CNTN5: variants seen among roughly 807,000 people sequenced by gnomAD.
CNTN5 encodes the protein contactin 5.
CNTN5 carries 77 observed loss-of-function variants against 129.1 expected under a neutral mutation model. The ratio of observed to expected loss-of-function variants is 0.60; its 90% CI spans 0.50 to 0.72. The LOEUF (loss-of-function observed/expected upper bound fraction) is 0.72, where lower values mean the gene tolerates loss of function less well. CNTN5 is among the 30% of genes least tolerant of loss of function. CNTN5 has a pLI of 0.00. For missense variants in CNTN5, 1,478 were observed against 1,328.8 expected (o/e 1.11, Z -1.75); for synonymous variants, 509 against 465.6 (o/e 1.09, Z -1.20).
intron 7 of CNTN5, among the ~76,000 whole-genome samples, chr11:99,937,202 G>T (rs1292324183): frequency 6.6e-6 from 1 of 152,148 alleles, no homozygotes; most frequent in East Asian, 1.9e-4. Context: ...TATAGTAAGC[G>T]GTGTAACTGT....
At position 99,728,203 on chromosome 11, in the gene CNTN5, T is replaced by TGA. The variant is rs113566105; in HGVS notation, c.56-91329_56-91328dup. Among the ~76,000 whole-genome samples the TGA allele has an allele frequency of 5.3e-5, 8 of 151,398 alleles. No homozygotes were observed. The East Asian group carries it at 1.4e-3, about 26-fold the overall frequency. ...AAATATAGAGGAGTCTGATCATACA[T>TGA]GAGAGAGAGAGAGGGAAAGACAGAG... is the stretch of plus-strand genomic sequence containing the variant. On this transcript the variant is annotated intron_variant, in intron 3 of 24. Coordinates refer to ENST00000524871, the MANE Select transcript of CNTN5 (RefSeq NM_014361.4).
At chr11:99,543,615 T>C (rs1402543701) in intron 2 of CNTN5, among the ~76,000 whole-genome samples, 4 of 152,160 alleles carry the variant, frequency 2.6e-5, no homozygotes, top group African/African-American at 9.7e-5. Flanking sequence ...ATTGTTGCTT[T>C]ATTAGATATA....
At chr11:99,072,387 C>G (rs1484223864) in intron 1 of CNTN5, among the ~76,000 whole-genome samples, 1 of 151,928 alleles carries the variant, frequency 6.6e-6, no homozygotes, top group African/African-American at 2.4e-5. Flanking sequence ...TGGGGCTATT[C>G]AATTGAATAA....
At chr11:99,376,344 A>T (rs1351824099) in intron 2 of CNTN5, among the ~76,000 whole-genome samples, 1 of 152,206 alleles carries the variant, frequency 6.6e-6, no homozygotes, top group Non-Finnish European at 1.5e-5. Flanking sequence ...GCTCCAAAAC[A>T]TGATGAAGGT....
At chr11:99,674,525 G>A (rs556984088) in intron 3 of CNTN5, among the ~76,000 whole-genome samples, 41 of 151,978 alleles carry the variant, frequency 2.7e-4, no homozygotes, top group Non-Finnish European at 4.7e-4. Flanking sequence ...CCCCATGTTT[G>A]CCCTGCTCCC....
chr11:99,371,982 G>A (rs1373929620), intron 2 of CNTN5, among the ~76,000 whole-genome samples: 2 of 152,180 alleles, frequency 1.3e-5, no homozygotes, highest in Non-Finnish European at 2.9e-5. Context: ...AAGTGAGGAT[G>A]AGACCCTACA....
chr11:99,097,887 G>T (rs554615712), intron 1 of CNTN5, among the ~76,000 whole-genome samples: 1 of 152,088 alleles, frequency 6.6e-6, no homozygotes, highest in Non-Finnish European at 1.5e-5. Context: ...AGTAAGAAAA[G>T]TGGTGAGATA....
chr11:100,122,426 TC>T (rs1397448928), intron 13 of CNTN5, among the ~76,000 whole-genome samples: 1 of 152,048 alleles, frequency 6.6e-6, no homozygotes, highest in Non-Finnish European at 1.5e-5. Flanking sequence ...CCACTCAGAC[TC>T]ACTTGCTAAT....
rs551328997 is a variant in CNTN5 at position 100,283,336 on chromosome 11, T to A, written c.2314+12095T>A. ...AAGTTCTCCCCACTCTTCCTCCTTC[T>A]CTCCTAAAGTGGGAGGAAGGTATCT... On this transcript the variant is annotated intron_variant, in intron 18 of 24. Coordinates refer to ENST00000524871, the MANE Select transcript of CNTN5 (RefSeq NM_014361.4). 2.0e-5 allele frequency among the ~76,000 whole-genome samples: 3 copies of A among 152,192 alleles called. No homozygotes were observed. The East Asian group carries it at 5.8e-4, about 29-fold the overall frequency.
Position 100,341,127 on chromosome 11 carries a change from G to A in CNTN5, c.2952G>A (p.Glu984=). The A allele has an allele frequency of 6.2e-7, 1 of 1,613,864 alleles. No individual in the cohort carries two copies. The highest frequency in any genetic ancestry group is 8.5e-7 in the Non-Finnish European group (1 of 1,179,776). The part of the protein sequence containing the change: ...PSQAPSNLRW[E]QQGSQVSLGW... ...AAGCACCTAGCAACCTCAGGTGGGA[G>A]CAGCAAGGCTCTCAGGTTTCTCTGG... The change falls in exon 23 of 25, where the codon GAG becomes GAA. Residue 984 remains glutamate (E), a synonymous_variant. Coordinates refer to ENST00000524871, the MANE Select transcript of CNTN5 (RefSeq NM_014361.4).
Position 99,506,767 on chromosome 11 carries a change from T to C in CNTN5, c.-70-49378T>C, listed in dbSNP as rs1208651526. ...TACTTCATAGTAGTAATTGTAGGAA[T>C]ATATTTCAAGAAAGTAAATGTAAAG... On this transcript the variant is annotated intron_variant, in intron 2 of 24. Transcript: ENST00000524871. Among the ~76,000 whole-genome samples, 3 of 152,192 alleles carry C rather than the reference T, an allele frequency of 2.0e-5. No homozygotes were observed. In the East Asian group the frequency reaches 5.8e-4, roughly 29 times the overall value.
intron 2 of CNTN5, among the ~76,000 whole-genome samples, chr11:99,406,514 G>A (rs937178969): frequency 1.6e-4 from 24 of 151,994 alleles, no homozygotes; most frequent in African/African-American, 5.6e-4. Context: ...AGCCAGCACG[G>A]TATTGAGTCT....
chr11:100,011,745 GTTT>G (rs1306408795), intron 9 of CNTN5, among the ~76,000 whole-genome samples: 7 of 151,898 alleles, frequency 4.6e-5, no homozygotes, highest in African/African-American at 1.7e-4. Flanking sequence ...CTTTTTATAT[GTTT>G]ACTGTAAATA....
chr11:99,485,906 A>C (rs2135331286), intron 2 of CNTN5, among the ~76,000 whole-genome samples: 1 of 152,168 alleles, frequency 6.6e-6, no homozygotes, highest in South Asian at 2.1e-4. Flanking sequence ...TGGAAAAGCT[A>C]TAAAAACCTT....
intron 1 of CNTN5, among the ~76,000 whole-genome samples, chr11:99,258,050 TAAAA>T (rs1862457114): frequency 6.6e-6 from 1 of 152,054 alleles, no homozygotes; most frequent in Admixed American, 6.6e-5. Context: ...CCTGAACACC[TAAAA>T]CTGAAATTCT....
intron 2 of CNTN5, among the ~76,000 whole-genome samples, chr11:99,450,344 T>C (rs1591079012): frequency 6.6e-6 from 1 of 151,794 alleles, no homozygotes; most frequent in Non-Finnish European, 1.5e-5. Context: ...TGTGTGTATA[T>C]GTATGTATAT....
intron 3 of CNTN5, among the ~76,000 whole-genome samples, chr11:99,629,157 A>C (rs1448012151): frequency 1.3e-5 from 2 of 152,090 alleles, no homozygotes; most frequent in African/African-American, 4.8e-5. Context: ...TACTGTTAGC[A>C]TAGTAAGAGG....
At chr11:99,998,897 C>A (rs1227918344) in intron 8 of CNTN5, among the ~76,000 whole-genome samples, 2 of 148,294 alleles carry the variant, frequency 1.3e-5, no homozygotes, top group African/African-American at 2.5e-5. Flanking sequence ...CAAAAACAAG[C>A]AATGGGGAAA....
intron 21 of CNTN5, among the ~76,000 whole-genome samples, chr11:100,335,046 G>GTAC (rs1952004891): frequency 6.6e-6 from 1 of 150,836 alleles, no homozygotes. Context: ...TATAGCAAAT[G>GTAC]TACTATTCTG....
Sources: gnomAD v4.1 joint callset for allele counts (sites outside exome capture counted in the v4.1 genomes callset) on GRCh38, gnomAD v4.1.1 for gene constraint, MANE v1.5 for transcripts, NCBI Gene and HGNC (gene_info 2026-07-23, HGNC 2026-07-21) for gene names.